TLK1: variants seen among roughly 807,000 people sequenced by gnomAD.
TLK1 encodes the protein tousled like kinase 1.
A neutral mutation model predicts 105.3 loss-of-function variants in TLK1; 24 were observed. That is an observed-to-expected ratio of 0.23 (90% CI 0.17 to 0.32). TLK1 has a LOEUF of 0.32. Ranked by LOEUF, TLK1 falls within the 10% of genes least tolerant of loss-of-function variation. The pLI, the probability that TLK1 is intolerant of heterozygous loss-of-function variation, is 1.00. For synonymous variants in TLK1, 321 were observed against 310.4 expected (o/e 1.03, Z -0.36); for missense variants, 558 against 910.5 (o/e 0.61, Z 4.98).
At chr2:170,995,456 A>T (rs1684010396) in intron 20 of TLK1, among the ~76,000 whole-genome samples, 1 of 152,152 alleles carries the variant, frequency 6.6e-6, no homozygotes, top group African/African-American at 2.4e-5. Context: ...GCCTATTAAG[A>T]GCCTAAGGAG....
intron 4 of TLK1, among the ~76,000 whole-genome samples, 178 bp from the exon 5 acceptor site, chr2:171,058,375 T>C (rs1687598968): frequency 6.6e-6 from 1 of 152,160 alleles, no homozygotes; most frequent in Non-Finnish European, 1.5e-5. Context: ...ATAAATGATG[T>C]AAGTGATGTC....
At chr2:171,218,324 TAG>T (rs1380520638) in intron 1 of TLK1, among the ~76,000 whole-genome samples, 2 of 152,066 alleles carry the variant, frequency 1.3e-5, no homozygotes, top group Admixed American at 1.3e-4. Context: ...GTCAAATTCA[TAG>T]AGACGGAAAG....
chr2:171,225,983 T>C (rs1335871965), intron 1 of TLK1, among the ~76,000 whole-genome samples: 3 of 152,182 alleles, frequency 2.0e-5, no homozygotes, highest in Admixed American at 6.5e-5. Flanking sequence ...AGGTTTGTTT[T>C]TTTTTAAGCA....
At chr2:171,186,172 G>T (rs947475768) in intron 1 of TLK1, among the ~76,000 whole-genome samples, 1 of 152,184 alleles carries the variant, frequency 6.6e-6, no homozygotes, top group Non-Finnish European at 1.5e-5. Flanking sequence ...AAAATATTTT[G>T]AGTAGGAATG....
At chr2:171,211,398 G>A (rs766900693) in intron 1 of TLK1, among the ~76,000 whole-genome samples, 1 of 152,118 alleles carries the variant, frequency 6.6e-6, no homozygotes, top group Non-Finnish European at 1.5e-5. Flanking sequence ...ACTCACCTAA[G>A]ATGCATGGCT....
At chr2:171,121,454 C>A (rs1337751728) in intron 1 of TLK1, among the ~76,000 whole-genome samples, 1 of 152,088 alleles carries the variant, frequency 6.6e-6, no homozygotes, top group African/African-American at 2.4e-5. Context: ...CTGCTTGAGC[C>A]CAGGAGGTCG....
intron 8 of TLK1, among the ~76,000 whole-genome samples, chr2:171,051,141 G>T (rs1004892735): frequency 6.6e-6 from 1 of 152,134 alleles, no homozygotes; most frequent in South Asian, 2.1e-4. Flanking sequence ...CACTGTGTGT[G>T]TATGATGCAT....
chr2:171,127,298 G>GA (rs945001460), intron 1 of TLK1, among the ~76,000 whole-genome samples: 4 of 130,456 alleles, frequency 3.1e-5, no homozygotes, highest in African/African-American at 1.2e-4. Context: ...AAAAAAGAAA[G>GA]AAAAAATTCA....
chr2:171,026,720 A>C (rs181532024), intron 12 of TLK1, among the ~76,000 whole-genome samples: 1 of 152,268 alleles, frequency 6.6e-6, no homozygotes, highest in Admixed American at 6.5e-5. Flanking sequence ...ACTCATTATC[A>C]AAACAGTTTA....
At chr2:171,048,770 C>T (rs1278559006) in intron 10 of TLK1, among the ~76,000 whole-genome samples, 3 of 152,190 alleles carry the variant, frequency 2.0e-5, no homozygotes, top group Non-Finnish European at 2.9e-5. Context: ...AGTGTTTGAA[C>T]AGCAATGTTG....
chr2:170,993,668 T>TAA lies in TLK1; in HGVS notation c.*110_*111dup, dbSNP rs71008739. ...AAACAGTTCTTAACCACGTCTTGTG[T>TAA]AAAAAAAAAAAAAAAAAAAAAAGAA... On this transcript the variant is annotated 3_prime_UTR_variant, in exon 21 of 21. Coordinates refer to ENST00000431350, the MANE Select transcript of TLK1 (RefSeq NM_012290.5). 0.26 allele frequency: 108,984 copies of TAA among 417,340 alleles called. 14,737 individuals carry two copies. Among genetic ancestry groups the TAA allele is most frequent in the Admixed American group, 0.4 (6,088 of 15,340 alleles). The allele number at this position is 417,340 out of a possible 1,614,324, so 25.9% of individuals were successfully genotyped here.
chr2:171,108,914 A>G (rs1690047726), intron 2 of TLK1, among the ~76,000 whole-genome samples: 1 of 152,196 alleles, frequency 6.6e-6, no homozygotes, highest in South Asian at 2.1e-4. Context: ...CACATTTAAA[A>G]AGAGCAAAAA....
At chr2:171,021,968 T>G (rs1559347527) in intron 12 of TLK1, among the ~76,000 whole-genome samples, 1 of 151,868 alleles carries the variant, frequency 6.6e-6, no homozygotes, top group East Asian at 1.9e-4. Flanking sequence ...CCAGGCATGG[T>G]GGCACATGCC....
rs555582827 is a variant in TLK1, at chr2:171,033,567, T to C, written c.1170-5162A>G. Reference sequence around the variant, plus strand: ...ACATTTAAAATAACCAAGAGTATAATTGGAATGTTTATAACAAAGAAATGA... The same window carrying C: ...ACATTTAAAATAACCAAGAGTATAACTGGAATGTTTATAACAAAGAAATGA... On this transcript the variant is annotated intron_variant, in intron 11 of 20. Coordinates refer to ENST00000431350, the MANE Select transcript of TLK1 (RefSeq NM_012290.5). Among the ~76,000 whole-genome samples the C allele has an allele frequency of 1.2e-4, 17 of 147,800 alleles. No individual in the cohort carries two copies. The South Asian group carries it at 2.2e-3, about 19-fold the overall frequency.
chr2:171,211,338 AC>A (rs1693608961), intron 1 of TLK1, among the ~76,000 whole-genome samples: 1 of 152,042 alleles, frequency 6.6e-6, no homozygotes, highest in South Asian at 2.1e-4. Context: ...ATTATATCAA[AC>A]CGTTTGTCAC....
intron 1 of TLK1, among the ~76,000 whole-genome samples, chr2:171,184,527 A>C (rs935072587): frequency 6.6e-6 from 1 of 151,842 alleles, no homozygotes; most frequent in Non-Finnish European, 1.5e-5. Flanking sequence ...CTGTAGTCCC[A>C]GCTACTAGGG....
At chr2:171,125,652 G>A (rs1006642202) in intron 1 of TLK1, among the ~76,000 whole-genome samples, 1 of 152,132 alleles carries the variant, frequency 6.6e-6, no homozygotes, top group Non-Finnish European at 1.5e-5. Context: ...AGCAAAAGCA[G>A]CTGTGTTCCA....
intron 3 of TLK1, among the ~76,000 whole-genome samples, chr2:171,075,180 G>C (rs1688444185): frequency 6.6e-6 from 1 of 152,012 alleles, no homozygotes. Context: ...CACTAGCTAA[G>C]CACTAAGCAT....
intron 2 of TLK1, among the ~76,000 whole-genome samples, chr2:171,085,807 G>T (rs2105481434): frequency 6.6e-6 from 1 of 152,266 alleles, no homozygotes; most frequent in East Asian, 1.9e-4. Flanking sequence ...ATGACTTATT[G>T]TTGATCAAGA....
Sources: gnomAD v4.1 joint callset for allele counts (sites outside exome capture counted in the v4.1 genomes callset) on GRCh38, gnomAD v4.1.1 for gene constraint, MANE v1.5 for transcripts, NCBI Gene and HGNC (gene_info 2026-07-23, HGNC 2026-07-21) for gene names.